Variants in ATG13 observed in about 807,000 individuals in gnomAD.
ATG13 encodes the protein autophagy related 13, also known as autophagy-related protein 13.
ATG13 carries 23 observed loss-of-function variants against 65.5 expected under a neutral mutation model. The observed-to-expected ratio is 0.35, with a 90% CI of 0.25 to 0.50. The LOEUF (loss-of-function observed/expected upper bound fraction) is 0.50, where lower values mean the gene tolerates loss of function less well. Ranked by LOEUF, ATG13 falls within the 20% of genes least tolerant of loss-of-function variation. The pLI is 0.98. For missense variants in ATG13, 566 were observed against 677.0 expected, an observed-to-expected ratio of 0.84 and a Z score of 1.82; for synonymous variants, 252 against 245.2, an observed-to-expected ratio of 1.03 and a Z score of -0.26.
In ATG13 at chr11:46,672,851, T is replaced by G; in HGVS notation, c.*519T>G. On this transcript the variant is annotated 3_prime_UTR_variant, in exon 19 of 19. Coordinates refer to ENST00000683050, the MANE Select transcript of ATG13 (RefSeq NM_001346311.2). The stretch of plus-strand genomic sequence containing the variant: ...ATTGTCCCCTTTACTTCCTGCTATC[T>G]TCTTCTCCTCTTCTTCTCTCTCTTG... 1 of 1,178,874 alleles carries G rather than the reference T, an allele frequency of 8.5e-7. No homozygotes were observed. Among genetic ancestry groups the G allele is most frequent in the South Asian group, 1.4e-5 (1 of 69,368 alleles). 73.0% of individuals were successfully genotyped at this position (1,178,874 alleles called of 1,614,324 possible). A position where few individuals can be genotyped will look rare whatever the true frequency, so the allele number is the denominator to read the frequency against.
At chr11:46,623,664 A>T (rs2048492963) in intron 1 of ATG13, among the ~76,000 whole-genome samples, 1 of 151,650 alleles carries the variant, frequency 6.6e-6, no homozygotes, top group Non-Finnish European at 1.5e-5. Context: ...CTGACCTCAG[A>T]TGATCTGCCC....
At chr11:46,630,568 C>CTT (rs35243801) in intron 2 of ATG13, among the ~76,000 whole-genome samples, 21 of 120,734 alleles carry the variant, frequency 1.7e-4, no homozygotes, top group East Asian at 2.2e-4. Flanking sequence ...AAATTAGAGG[C>CTT]TTTTTTTTTT....
Position 46,673,450 on chromosome 11 carries a change from G to C in ATG13, c.*1118G>C, listed in dbSNP as rs2064174451. 6.6e-6 allele frequency: 1 copy of C among 152,312 alleles called. No homozygotes were observed. The highest frequency in any genetic ancestry group is 1.5e-5 in the Non-Finnish European group (1 of 68,108). 9.4% of individuals were successfully genotyped at this position (152,312 alleles called of 1,614,324 possible). A position where few individuals can be genotyped will look rare whatever the true frequency, so the allele number is the denominator to read the frequency against. On this transcript the variant is annotated 3_prime_UTR_variant, in exon 19 of 19. Transcript: ENST00000683050. Reference sequence around the variant, plus strand: ...CAGAGTGACTGACTCCATTCTGGCAGCCCAGGAAGTCCTGGGTGCTAAATG... The same window carrying C: ...CAGAGTGACTGACTCCATTCTGGCACCCCAGGAAGTCCTGGGTGCTAAATG...
In ATG13 at chr11:46,622,112, TA is replaced by T. The variant is rs1565398412; in HGVS notation, c.-70+4223del. 1.7e-3 allele frequency among the ~76,000 whole-genome samples: 145 copies of T among 86,130 alleles called. 2 individuals are homozygous for T. Among genetic ancestry groups the T allele is most frequent in the African/African-American group, 7.0e-3 (134 of 19,080 alleles). 56.5% of individuals were successfully genotyped at this position (86,130 alleles called of 152,430 possible). ...ATATATATATATATATATATATATATATATATATATATATATTTATTTTAGA... is the reference window on the plus strand; with the variant it reads ...ATATATATATATATATATATATATATTATATATATATATATTTATTTTAGA... On this transcript the variant is annotated intron_variant, in intron 1 of 18. Coordinates refer to ENST00000683050, the MANE Select transcript of ATG13 (RefSeq NM_001346311.2).
At chr11:46,657,649 C>G (rs1218861279) in intron 10 of ATG13, 27 bp downstream of exon 10, 1 of 1,538,890 alleles carries the variant, frequency 6.5e-7, no homozygotes, top group Non-Finnish European at 8.8e-7. Flanking sequence ...GGTGCTCTCC[C>G]AAACTGCAGC....
intron 15 of ATG13, 114 bp downstream of exon 15, chr11:46,668,001 G>C (rs1220029390): frequency 6.3e-6 from 5 of 793,842 alleles, no homozygotes; most frequent in Non-Finnish European, 1.0e-5. Context: ...GAACTGGCAT[G>C]CAAAACTGTA....
chr11:46,623,157 G>A (rs1051207540), intron 1 of ATG13, among the ~76,000 whole-genome samples: 2 of 152,060 alleles, frequency 1.3e-5, no homozygotes, highest in African/African-American at 4.8e-5. Context: ...AGCCGTGTGT[G>A]GTGGCGGGCA....
intron 1 of ATG13, among the ~76,000 whole-genome samples, chr11:46,626,583 G>A (rs1171038446): frequency 2.0e-5 from 3 of 152,116 alleles, no homozygotes; most frequent in Non-Finnish European, 4.4e-5. Flanking sequence ...ATATCAGTAT[G>A]TTATCTTTGA....
rs2062984059 is a variant in ATG13 at position 46,668,689 on chromosome 11, G to A, written c.1330-105G>A. On this transcript the variant is annotated intron_variant, in intron 16 of 18. Coordinates refer to ENST00000683050, the MANE Select transcript of ATG13 (RefSeq NM_001346311.2). Reference sequence around the variant, plus strand: ...TATAAACCATGGCCCCTCGGCTTACGGGTTTGTAGCCAGCATTAAGTTCTT... The same window carrying A: ...TATAAACCATGGCCCCTCGGCTTACAGGTTTGTAGCCAGCATTAAGTTCTT... 4.7e-6 allele frequency: 7 copies of A among 1,489,618 alleles called. 1 individual carries two copies. Among genetic ancestry groups the A allele is most frequent in the East Asian group, 2.3e-5 (1 of 44,150 alleles). 92.3% of individuals were successfully genotyped at this position (1,489,618 alleles called of 1,614,324 possible).
At chr11:46,653,861 G>T (rs189206155) in intron 7 of ATG13, among the ~76,000 whole-genome samples, 1 of 152,080 alleles carries the variant, frequency 6.6e-6, no homozygotes, top group Non-Finnish European at 1.5e-5. Context: ...GAGCCACCGC[G>T]CCTGGCGAAG....
intron 2 of ATG13, among the ~76,000 whole-genome samples, chr11:46,635,143 G>A (rs1025363445): frequency 6.6e-5 from 10 of 151,864 alleles, no homozygotes; most frequent in Admixed American, 2.6e-4. Flanking sequence ...AAGTGGCTGG[G>A]ATTACAGGCT....
chr11:46,647,363 C>G (rs1469926951), intron 5 of ATG13, among the ~76,000 whole-genome samples: 1 of 150,602 alleles, frequency 6.6e-6, no homozygotes, highest in Non-Finnish European at 1.5e-5. Context: ...CTGCAACCTC[C>G]GCCTCCCAGG....
intron 1 of ATG13, among the ~76,000 whole-genome samples, chr11:46,626,220 A>G (rs2049552640): frequency 6.6e-6 from 1 of 151,208 alleles, no homozygotes; most frequent in Non-Finnish European, 1.5e-5. Context: ...CTCCCAAAGT[A>G]CTGGGATTAC....
At chr11:46,633,328 A>T (rs901099599) in intron 2 of ATG13, among the ~76,000 whole-genome samples, 18 of 150,180 alleles carry the variant, frequency 1.2e-4, no homozygotes, top group African/African-American at 3.9e-4. Context: ...GCCCCCAAAA[A>T]TTTTATTTTA....
chr11:46,618,078 G>T (rs1289604312), intron 1 of ATG13, among the ~76,000 whole-genome samples, 188 bp downstream of exon 1: 1 of 152,148 alleles, frequency 6.6e-6, no homozygotes, highest in Non-Finnish European at 1.5e-5. Flanking sequence ...TGCTTGTTTG[G>T]CAGAGAATCC....
chr11:46,646,329 A>G (rs2057529378), intron 5 of ATG13, among the ~76,000 whole-genome samples: 1 of 151,986 alleles, frequency 6.6e-6, no homozygotes, highest in Non-Finnish European at 1.5e-5. Context: ...TTGTATTTTT[A>G]GTAGAGACAA....
intron 2 of ATG13, chr11:46,630,972 A>G (rs1356826064): frequency 1.3e-5 from 2 of 152,016 alleles, no homozygotes; most frequent in Non-Finnish European, 2.9e-5. Context: ...TTGGCCTTCC[A>G]AAGTGTTGGG....
Position 46,667,747 on chromosome 11 carries a change from G to A in ATG13, c.1137-26G>A, listed in dbSNP as rs765846449. 4.5e-6 allele frequency: 7 copies of A among 1,555,858 alleles called. 1 individual carries two copies. In the East Asian group the frequency reaches 9.1e-5, roughly 20 times the overall value. On this transcript the variant is annotated intron_variant, in intron 14 of 18. Transcript: ENST00000683050. ...TCGTCCTGCTGTGGTTTGAGAACGA[G>A]TACTAACTTCACCTTTCTCCTCCAG... is the stretch of plus-strand genomic sequence containing the variant.
At chr11:46,663,964 G>C (rs200182989) in intron 11 of ATG13, 33 bp from the exon 12 acceptor site, 1 of 384,792 alleles carries the variant, frequency 2.6e-6, no homozygotes, top group Non-Finnish European at 4.0e-6. Context: ...TTTTTTTTTT[G>C]TTTCTCCTGT....
Sources: gnomAD v4.1 joint callset for allele counts (sites outside exome capture counted in the v4.1 genomes callset) on GRCh38, gnomAD v4.1.1 for gene constraint, MANE v1.5 for transcripts, NCBI Gene and HGNC (gene_info 2026-07-23, HGNC 2026-07-21) for gene names.